KCP: variants seen among roughly 807,000 people sequenced by gnomAD.
KCP encodes kielin cysteine rich BMP regulator.
A neutral mutation model predicts 212.7 loss-of-function variants in KCP; 194 were observed. The observed-to-expected ratio is 0.91, with a 90% CI of 0.81 to 1.03. The LOEUF is 1.03. Among genes scored for constraint, KCP ranks in the 50% least tolerant of loss-of-function variants. The pLI is 0.00. For synonymous variants in KCP, 833 were observed against 865.3 expected, an observed-to-expected ratio of 0.96 and a Z score of 0.65; for missense variants, 2,080 against 2,162.5, an observed-to-expected ratio of 0.96 and a Z score of 0.76.
intron 21 of KCP, among the ~76,000 whole-genome samples, chr7:128,889,775 A>T (rs1203474844): frequency 6.6e-6 from 1 of 152,228 alleles, no homozygotes; most frequent in Non-Finnish European, 1.5e-5. Flanking sequence ...CCAAGATCGC[A>T]CAAGAGTGAG....
chr7:128,908,602 G>C, intron 1 of KCP, 34 bp from the exon 2 acceptor site: 12 of 1,539,738 alleles, frequency 7.8e-6, no homozygotes, highest in Non-Finnish European at 1.1e-5. Flanking sequence ...TGGGCCTGAG[G>C]GTGAGGGGCT....
chr7:128,881,159 A>G (rs1416224229), intron 31 of KCP, 74 bp from the exon 32 acceptor site: 1 of 398,796 alleles, frequency 2.5e-6, no homozygotes, highest in Non-Finnish European at 4.4e-6. Flanking sequence ...CTTACCCAGC[A>G]TTTCACGGCA....
chr7:128,903,696 G>C, intron 7 of KCP, 31 bp downstream of exon 7: 1 of 1,495,474 alleles, frequency 6.7e-7, no homozygotes, highest in Non-Finnish European at 9.0e-7. Context: ...CCTACCTGTG[G>C]CTCTACCAGG....
At chr7:128,901,115 T>C (rs1446982835) in intron 8 of KCP, among the ~76,000 whole-genome samples, 1 of 152,190 alleles carries the variant, frequency 6.6e-6, no homozygotes, top group East Asian at 1.9e-4. Context: ...TGACCTCTGG[T>C]TGTCCTCACT....
In KCP at chr7:128,886,648, G is replaced by T; in HGVS notation, c.2772+7C>A. On this transcript the variant is annotated splice_region_variant and intron_variant, in intron 25 of 39. Transcript: ENST00000610776. ...TGTCACTCCACACCCCCCACCTCCT[G>T]CTATACCTGACAGCGACACCACTCA... The T allele has an allele frequency of 6.4e-6, 10 of 1,551,414 alleles. No individual in the cohort carries two copies. Among genetic ancestry groups the T allele is most frequent in the Non-Finnish European group, 8.7e-6 (10 of 1,146,864 alleles).
Position 128,891,029 on chromosome 7 carries a change from G to A in KCP, c.2040C>T (p.Ser680=), listed in dbSNP as rs1794085373. ...AGCGGCGGCAGGGATCGCCGGGCGG[G>A]GAGAAGTACTCCTGGTGGCGGGCGT... ...AAHARHQEYF[S]PPGDPCRRCL... The change falls in exon 20 of 40, where the codon TCC becomes TCT. Residue 680 remains serine (S), a synonymous_variant. Transcript: ENST00000610776. 2 of 1,353,748 alleles carry A rather than the reference G, an allele frequency of 1.5e-6. No individual in the cohort carries two copies. Among genetic ancestry groups the A allele is most frequent in the Admixed American group, 3.9e-5 (1 of 25,400 alleles). The allele number at this position is 1,353,748 out of a possible 1,614,324, so 83.9% of individuals were successfully genotyped here.
chr7:128,898,925 T>G (rs542128156), intron 8 of KCP, among the ~76,000 whole-genome samples: 4 of 152,306 alleles, frequency 2.6e-5, no homozygotes, highest in Admixed American at 2.6e-4. Flanking sequence ...TAACAAAAAT[T>G]TGTAAAGGGT....
chr7:128,887,237 G>T lies in KCP; in HGVS notation c.2576C>A (p.Thr859Asn), dbSNP rs774425497. ...CACCTGGCAGGTGCAGAGGGAGCAG[G>T]TAGGGTCAAGTGGGTCAGGAAGGGT... ...GETLPDPLDP[T>N]CSLCTCQEGS... Residue 859 changes from threonine to asparagine, a missense_variant, in exon 23 of 40, where the codon ACC becomes AAC. Coordinates refer to ENST00000610776, the MANE Select transcript of KCP (RefSeq NM_001366122.1). 2.6e-6 allele frequency: 4 copies of T among 1,551,484 alleles called. No individual in the cohort carries two copies. The South Asian group carries it at 4.8e-5, about 18-fold the overall frequency.
At chr7:128,887,569 C>T (rs1263346063) in intron 22 of KCP, among the ~76,000 whole-genome samples, 2 of 150,294 alleles carry the variant, frequency 1.3e-5, no homozygotes, top group Admixed American at 6.6e-5. Flanking sequence ...CATACACACA[C>T]AGCCCCTCCC....
At chr7:128,883,028 G>A (rs143202507) in intron 29 of KCP, among the ~76,000 whole-genome samples, 4,708 of 151,412 alleles carry the variant, frequency 0.031, 95 homozygotes, top group Non-Finnish European at 0.039. Context: ...TTGTGCCACC[G>A]CACTCCAGCC....
Position 128,886,968 on chromosome 7 carries a change from TG to T in KCP, c.2599-3del. The T allele has an allele frequency of 6.8e-7, 1 of 1,473,346 alleles. No homozygotes were observed. Among genetic ancestry groups the T allele is most frequent in the Non-Finnish European group, 9.3e-7 (1 of 1,080,028 alleles). The allele number at this position is 1,473,346 out of a possible 1,614,324, so 91.3% of individuals were successfully genotyped here. On this transcript the variant is annotated splice_polypyrimidine_tract_variant and splice_region_variant and intron_variant, in intron 23 of 39. Coordinates refer to ENST00000610776, the MANE Select transcript of KCP (RefSeq NM_001366122.1). The stretch of plus-strand genomic sequence containing the variant: ...CTTCTGGCAGCGCATGGAACCTTCC[TG>T]GGGGAGAGAGGCCCATCACACCCTC...
At chr7:128,877,838 C>T in intron 38 of KCP, 48 bp from the exon 39 acceptor site, 1 of 1,481,794 alleles carries the variant, frequency 6.7e-7, no homozygotes, top group Non-Finnish European at 9.1e-7. Context: ...TGGCAGCTGG[C>T]CTCTGCATGC....
intron 26 of KCP, among the ~76,000 whole-genome samples, chr7:128,885,543 C>G (rs905129368): frequency 1.8e-4 from 28 of 152,200 alleles, no homozygotes; most frequent in African/African-American, 6.3e-4. Flanking sequence ...CAGCCCGCAC[C>G]GGCCACAGAC....
chr7:128,896,790 C>G (rs1338328390), intron 8 of KCP, among the ~76,000 whole-genome samples: 2 of 147,696 alleles, frequency 1.4e-5, no homozygotes, highest in African/African-American at 2.5e-5. Context: ...ACTTGGGAGG[C>G]TGAGGCAGGA....
At chr7:128,890,080 A>C in intron 21 of KCP, 1 of 521,442 alleles carries the variant, frequency 1.9e-6, no homozygotes, top group Non-Finnish European at 3.4e-6. Flanking sequence ...CACCACGACC[A>C]GCTGATTTTA....
Position 128,877,140 on chromosome 7 carries a change from C to T in KCP, c.4790G>A (p.Cys1597Tyr). The change falls in exon 40 of 40, where the codon TGC becomes TAC. Residue 1597 changes from cysteine to tyrosine, a missense_variant. Physicochemically the swap from Cys to Tyr is radical, Grantham distance 194. Transcript: ENST00000610776. ...PAGLVEHEAH[C>Y]IPPEACPQVL... is the part of the protein sequence containing the mutation. The stretch of plus-strand genomic sequence containing the variant: ...TTGGGGGCAGGCCTCGGGTGGGATG[C>T]AGTGGGCCTCATGCTCCACCAGGCC... The T allele has an allele frequency of 6.6e-7, 1 of 1,506,616 alleles. No homozygotes were observed. The highest frequency in any genetic ancestry group is 8.9e-7 in the Non-Finnish European group (1 of 1,128,916). 93.3% of individuals were successfully genotyped at this position (1,506,616 alleles called of 1,614,324 possible). A position where few individuals can be genotyped will look rare whatever the true frequency, so the allele number is the denominator to read the frequency against.
At chr7:128,897,435 C>A (rs1236882949) in intron 8 of KCP, among the ~76,000 whole-genome samples, 1 of 152,126 alleles carries the variant, frequency 6.6e-6, no homozygotes. Context: ...AGGATGAGTC[C>A]TTTATCTTCT....
At chr7:128,882,098 C>G in intron 29 of KCP, 82 bp from the exon 30 acceptor site, 4 of 1,074,246 alleles carry the variant, frequency 3.7e-6, no homozygotes, top group Non-Finnish European at 5.5e-6. Context: ...GCACTGTGTC[C>G]CCAGGTTTCT....
chr7:128,907,853 G>T (rs1795203572), intron 2 of KCP, among the ~76,000 whole-genome samples: 1 of 152,164 alleles, frequency 6.6e-6, no homozygotes, highest in Admixed American at 6.5e-5. Context: ...TTCTGGCCAG[G>T]CCTGGTGGCT....
Sources: gnomAD v4.1 joint callset for allele counts (sites outside exome capture counted in the v4.1 genomes callset) on GRCh38, gnomAD v4.1.1 for gene constraint, MANE v1.5 for transcripts, NCBI Gene and HGNC (gene_info 2026-07-23, HGNC 2026-07-21) for gene names.